The following PDZRN4 variants were observed in gnomAD, a reference collection of about 807,000 sequenced individuals.
PDZRN4 encodes the protein PDZ domain containing ring finger 4.
In PDZRN4, 70 loss-of-function variants were observed where a neutral mutation model predicts 99.0. That is an observed-to-expected ratio of 0.71 (90% CI 0.58 to 0.86). PDZRN4 has a LOEUF of 0.86. Among genes scored for constraint, PDZRN4 ranks in the 40% least tolerant of loss-of-function variants. The pLI, the probability that PDZRN4 is intolerant of heterozygous loss-of-function variation, is 0.00. For synonymous variants in PDZRN4, 551 were observed against 501.6 expected (o/e 1.10, Z -1.32); for missense variants, 1,474 against 1,331.2 (o/e 1.11, Z -1.67).
intron 3 of PDZRN4, among the ~76,000 whole-genome samples, chr12:41,446,627 T>G (rs1359270034): frequency 1.3e-5 from 2 of 151,760 alleles, no homozygotes; most frequent in Non-Finnish European, 2.9e-5. Flanking sequence ...CTCTGCTAGA[T>G]AGTAACACAG....
intron 3 of PDZRN4, among the ~76,000 whole-genome samples, chr12:41,309,409 G>A (rs1029603433): frequency 2.0e-5 from 3 of 152,004 alleles, no homozygotes; most frequent in African/African-American, 7.2e-5. Context: ...AGAAAGAGAA[G>A]GGGGCTGAAC....
intron 3 of PDZRN4, among the ~76,000 whole-genome samples, chr12:41,296,027 G>A (rs1951491507): frequency 6.6e-6 from 1 of 151,994 alleles, no homozygotes; most frequent in East Asian, 1.9e-4. Flanking sequence ...AATTGAAAAG[G>A]ATCTATGGTT....
chr12:41,460,735 C>A (rs1952864762), intron 3 of PDZRN4, among the ~76,000 whole-genome samples: 1 of 152,138 alleles, frequency 6.6e-6, no homozygotes, highest in Non-Finnish European at 1.5e-5. Flanking sequence ...AGAGAGTAGT[C>A]CTCTAATCCC....
intron 3 of PDZRN4, among the ~76,000 whole-genome samples, chr12:41,252,793 G>A (rs968643633): frequency 6.6e-5 from 10 of 152,130 alleles, no homozygotes; most frequent in African/African-American, 2.4e-4. Flanking sequence ...GATTGCCTGA[G>A]ACTAGGGAGT....
intron 3 of PDZRN4, among the ~76,000 whole-genome samples, chr12:41,340,815 C>T (rs1019469570): frequency 2.0e-5 from 3 of 151,794 alleles, no homozygotes; most frequent in African/African-American, 7.3e-5. Context: ...AATACTAAGT[C>T]CCCTCAAACA....
intron 3 of PDZRN4, among the ~76,000 whole-genome samples, chr12:41,371,037 AAAGTAATT>A (rs1952037991): frequency 1.3e-5 from 2 of 151,220 alleles, no homozygotes; most frequent in African/African-American, 2.4e-5. Flanking sequence ...GGCTCTCCAT[AAAGTAATT>A]CATCTCTCCA....
intron 3 of PDZRN4, among the ~76,000 whole-genome samples, chr12:41,254,034 C>CGT (rs3042934): frequency 0.01 from 1,557 of 149,248 alleles, 29 homozygotes; most frequent in African/African-American, 0.035. Flanking sequence ...TATGTGTGTG[C>CGT]GTGTGTGTGT....
chr12:41,270,286 G>GGTGTGTGTGTGTGTGTCGGT (rs35708361), intron 3 of PDZRN4, among the ~76,000 whole-genome samples: 3 of 145,446 alleles, frequency 2.1e-5, no homozygotes, highest in Non-Finnish European at 4.5e-5. Context: ...CTGTGTGTGT[G>GGTGTGTGTGTGTGTGTCGGT]GTGTGTGTGT....
intron 3 of PDZRN4, among the ~76,000 whole-genome samples, chr12:41,222,838 T>G (rs1376370222): frequency 6.6e-6 from 1 of 152,156 alleles, no homozygotes; most frequent in Admixed American, 6.5e-5. Flanking sequence ...AATGGATTAT[T>G]TATAGCTCTA....
intron 3 of PDZRN4, among the ~76,000 whole-genome samples, chr12:41,270,286 GGTGT>G (rs35708361): frequency 4.8e-5 from 7 of 145,446 alleles, no homozygotes; most frequent in African/African-American, 1.6e-4. Context: ...CTGTGTGTGT[GGTGT>G]GTGTGTGTGT....
chr12:41,263,009 C>T (rs529651430), intron 3 of PDZRN4, among the ~76,000 whole-genome samples: 1 of 151,900 alleles, frequency 6.6e-6, no homozygotes, highest in East Asian at 1.9e-4. Context: ...ATAGTATATA[C>T]TATTTAATAA....
At chr12:41,509,636 CG>C in intron 4 of PDZRN4, 174 bp from the exon 5 acceptor site, 1 of 434,582 alleles carries the variant, frequency 2.3e-6, no homozygotes, top group Non-Finnish European at 4.1e-6. Context: ...ATGGACTTCA[CG>C]TAGAGGGAGA....
chr12:41,347,989 C>T (rs1951866974), intron 3 of PDZRN4, among the ~76,000 whole-genome samples: 2 of 152,018 alleles, frequency 1.3e-5, no homozygotes, highest in South Asian at 4.2e-4. Flanking sequence ...AGACATGACA[C>T]AAAGAACTAA....
At position 41,377,271 on chromosome 12, in the gene PDZRN4, G is replaced by A. The variant is rs1304228887; in HGVS notation, c.844-129185G>A. On this transcript the variant is annotated intron_variant, in intron 3 of 9. Transcript: ENST00000402685. Reference sequence around the variant, plus strand: ...CCATTTCTGTGAAAAATCTCATTAGGATTTTGATAAAGATTGCATTGAATC... The same window carrying A: ...CCATTTCTGTGAAAAATCTCATTAGAATTTTGATAAAGATTGCATTGAATC... Among the ~76,000 whole-genome samples the A allele has an allele frequency of 2.6e-5, 4 of 152,164 alleles. No homozygotes were observed. The South Asian group carries it at 8.3e-4, about 32-fold the overall frequency.
chr12:41,489,712 C>T (rs1490930931), intron 3 of PDZRN4, among the ~76,000 whole-genome samples: 1 of 149,606 alleles, frequency 6.7e-6, no homozygotes, highest in Admixed American at 6.7e-5. Flanking sequence ...TCTTACCTTG[C>T]GAAGCTGTCA....
chr12:41,420,220 A>G lies in PDZRN4; in HGVS notation c.844-86236A>G, dbSNP rs1952477594. 2.0e-5 allele frequency among the ~76,000 whole-genome samples: 3 copies of G among 152,254 alleles called. No individual in the cohort carries two copies. In the South Asian group the frequency reaches 6.2e-4, roughly 32 times the overall value. On this transcript the variant is annotated intron_variant, in intron 3 of 9. Transcript: ENST00000402685. ...AAGAAAATAAAATCTTCCTTCAATC[A>G]GTACCTAAATATTGCCTTTACTGTG...
At chr12:41,201,135 G>T (rs931874039) in intron 3 of PDZRN4, among the ~76,000 whole-genome samples, 2 of 147,732 alleles carry the variant, frequency 1.4e-5, no homozygotes, top group South Asian at 4.3e-4. Flanking sequence ...AGCAAAAATA[G>T]CCGTTTGAAA....
At chr12:41,495,167 CAG>C (rs965599021) in intron 3 of PDZRN4, among the ~76,000 whole-genome samples, 7 of 151,722 alleles carry the variant, frequency 4.6e-5, no homozygotes, top group African/African-American at 7.3e-5. Context: ...GAAAGAGAAA[CAG>C]AGAGAGAGAT....
chr12:41,189,762 A>T (rs183876374), intron 1 of PDZRN4, among the ~76,000 whole-genome samples: 1 of 152,092 alleles, frequency 6.6e-6, no homozygotes, highest in Non-Finnish European at 1.5e-5. Flanking sequence ...TTGCCTCGGG[A>T]TCTCATTATT....
Sources: gnomAD v4.1 joint callset for allele counts (sites outside exome capture counted in the v4.1 genomes callset) on GRCh38, gnomAD v4.1.1 for gene constraint, MANE v1.5 for transcripts, NCBI Gene and HGNC (gene_info 2026-07-23, HGNC 2026-07-21) for gene names.